ACO2: variants seen among roughly 807,000 people sequenced by gnomAD.
ACO2 encodes aconitate hydratase, mitochondrial.
Under a neutral mutation model 84.5 loss-of-function variants are expected in ACO2, and 31 were observed. The ratio of observed to expected loss-of-function variants is 0.37; its 90% CI spans 0.28 to 0.50. The LOEUF is 0.50. Among genes scored for constraint, ACO2 ranks in the 20% least tolerant of loss-of-function variants. ACO2 has a pLI of 0.97. For missense variants in ACO2, 685 were observed against 1,029.3 expected, an observed-to-expected ratio of 0.67 and a Z score of 4.58; for synonymous variants, 414 against 412.7, an observed-to-expected ratio of 1.00 and a Z score of -0.04.
intron 1 of ACO2, among the ~76,000 whole-genome samples, chr22:41,493,373 C>G (rs1010133925): frequency 6.6e-6 from 1 of 151,948 alleles, no homozygotes; most frequent in African/African-American, 2.4e-5. Context: ...AAAAAAAATA[C>G]AGGGTAAGCA....
chr22:41,526,837 C>G, intron 15 of ACO2: 1 of 292,696 alleles, frequency 3.4e-6, no homozygotes, highest in Non-Finnish European at 6.4e-6. Context: ...CTTTGAGAAA[C>G]AAACAGAACC....
chr22:41,524,741 A>G, intron 12 of ACO2, 105 bp from the exon 13 acceptor site: 5 of 1,556,154 alleles, frequency 3.2e-6, no homozygotes, highest in Non-Finnish European at 4.4e-6. Context: ...AAGAACATGG[A>G]AATTTCCTGG....
At chr22:41,517,029 T>TG (rs2066481374) in intron 6 of ACO2, among the ~76,000 whole-genome samples, 1 of 152,098 alleles carries the variant, frequency 6.6e-6, no homozygotes, top group African/African-American at 2.4e-5. Context: ...GTCTCCACCA[T>TG]GGTATGGCTG....
intron 1 of ACO2, among the ~76,000 whole-genome samples, chr22:41,478,764 C>CTTTT (rs761466511): frequency 7.2e-5 from 9 of 125,864 alleles, no homozygotes; most frequent in Non-Finnish European, 8.5e-5. Context: ...CACATATCTT[C>CTTTT]TTTTTTTTTT....
chr22:41,491,110 C>T (rs899247050), intron 1 of ACO2, among the ~76,000 whole-genome samples: 3 of 151,826 alleles, frequency 2.0e-5, no homozygotes, highest in Non-Finnish European at 2.9e-5. Context: ...ACTGGATGTT[C>T]CCTAGGCAAA....
At chr22:41,474,423 T>A (rs1393117146) in intron 1 of ACO2, among the ~76,000 whole-genome samples, 20 of 136,188 alleles carry the variant, frequency 1.5e-4, no homozygotes, top group African/African-American at 2.8e-4. Flanking sequence ...CCTCCCGAGT[T>A]GCTGGGACTA....
chr22:41,480,919 AATT>A (rs2038079701), intron 1 of ACO2, among the ~76,000 whole-genome samples: 1 of 152,052 alleles, frequency 6.6e-6, no homozygotes, highest in Admixed American at 6.6e-5. Flanking sequence ...GGGCTCAAGC[AATT>A]CTCCCACCTC....
chr22:41,504,445 C>T (rs2066377256), intron 2 of ACO2, among the ~76,000 whole-genome samples: 2 of 152,204 alleles, frequency 1.3e-5, no homozygotes, highest in Non-Finnish European at 2.9e-5. Flanking sequence ...ATGATGAACC[C>T]ATCCTAAAGC....
chr22:41,491,681 G>A (rs766621105), intron 1 of ACO2, among the ~76,000 whole-genome samples: 1 of 152,212 alleles, frequency 6.6e-6, no homozygotes, highest in African/African-American at 2.4e-5. Flanking sequence ...CTCCTTTATG[G>A]AGGAAACAAT....
chr22:41,469,703 G>A (rs1298538395), intron 1 of ACO2, among the ~76,000 whole-genome samples: 2 of 152,162 alleles, frequency 1.3e-5, no homozygotes, highest in African/African-American at 4.8e-5. Context: ...GGGGAGGGGG[G>A]CGGTCTTCTG....
At chr22:41,474,038 G>A (rs1368149996) in intron 1 of ACO2, among the ~76,000 whole-genome samples, 1 of 152,162 alleles carries the variant, frequency 6.6e-6, no homozygotes, top group African/African-American at 2.4e-5. Flanking sequence ...ATGGACCATA[G>A]AGGGTCAAAA....
chr22:41,523,348 G>C (rs927424471), intron 11 of ACO2, 70 bp downstream of exon 11: 52 of 1,256,906 alleles, frequency 4.1e-5, no homozygotes, highest in Non-Finnish European at 5.2e-5. Context: ...GTTGGAGGGG[G>C]AATTATTGGG....
intron 1 of ACO2, among the ~76,000 whole-genome samples, chr22:41,472,892 G>A (rs535041487): frequency 6.6e-6 from 1 of 152,272 alleles, no homozygotes; most frequent in African/African-American, 2.4e-5. Context: ...AGATAACTGG[G>A]GTGCTGAGGT....
rs59945427 is a variant in ACO2, at chr22:41,505,427, CAATAAT to C, written c.174-2342_174-2337del. ...GCAAGACCCTGTCTCAAAATAATAACAATAATAATAATAATAATAATAATAATGAAA... is the reference window on the plus strand; with the variant it reads ...GCAAGACCCTGTCTCAAAATAATAACAATAATAATAATAATAATAATGAAA... On this transcript the variant is annotated intron_variant, in intron 2 of 17. Coordinates refer to ENST00000216254, the MANE Select transcript of ACO2 (RefSeq NM_001098.3). Among the ~76,000 whole-genome samples, 287 of 148,778 alleles carry C rather than the reference CAATAAT, an allele frequency of 1.9e-3. 1 individual carries two copies. The highest frequency in any genetic ancestry group is 3.5e-3 in the Middle Eastern group (1 of 282).
intron 6 of ACO2, among the ~76,000 whole-genome samples, chr22:41,516,476 G>T (rs778790715): frequency 1.3e-5 from 2 of 152,196 alleles, no homozygotes; most frequent in Non-Finnish European, 2.9e-5. Context: ...AGGGAGATTT[G>T]TAACAGTCTA....
chr22:41,486,924 C>T (rs2038164875), intron 1 of ACO2, among the ~76,000 whole-genome samples: 1 of 152,094 alleles, frequency 6.6e-6, no homozygotes, highest in South Asian at 2.1e-4. Context: ...GTCTCTGTCG[C>T]CCAGGCTGGA....
chr22:41,517,908 G>A (rs1483743416), intron 7 of ACO2, among the ~76,000 whole-genome samples: 5 of 152,228 alleles, frequency 3.3e-5, no homozygotes, highest in East Asian at 1.9e-4. Flanking sequence ...CTGAATGCCC[G>A]CCCTTCTCGG....
intron 17 of ACO2, 111 bp from the exon 18 acceptor site, chr22:41,528,368 G>C: frequency 6.8e-7 from 1 of 1,463,356 alleles, no homozygotes; most frequent in Non-Finnish European, 9.2e-7. Context: ...GATTTGGTTT[G>C]CCTGCTGACC....
Position 41,518,536 on chromosome 22 carries a change from C to T in ACO2, c.996C>T (p.Cys332=), listed in dbSNP as rs1159115674. 1 of 1,613,710 alleles carries T rather than the reference C, an allele frequency of 6.2e-7. No homozygotes were observed. The highest frequency in any genetic ancestry group is 8.5e-7 in the Non-Finnish European group (1 of 1,179,716). Residue 332 remains cysteine (C), a synonymous_variant, in exon 8 of 18, where the codon TGC becomes TGT. Coordinates refer to ENST00000216254, the MANE Select transcript of ACO2 (RefSeq NM_001098.3). ...FKDHLVPDPG[C]HYDQLIEINL... ...ATCACTTGGTGCCTGACCCTGGCTG[C>T]CATTATGACCAACTAATTGAAATTA... is the stretch of plus-strand genomic sequence containing the variant.
Sources: gnomAD v4.1 joint callset for allele counts (sites outside exome capture counted in the v4.1 genomes callset) on GRCh38, gnomAD v4.1.1 for gene constraint, MANE v1.5 for transcripts, NCBI Gene and HGNC (gene_info 2026-07-23, HGNC 2026-07-21) for gene names.